The following DHX57 variants were observed in gnomAD, a reference collection of about 807,000 sequenced individuals.
DHX57 encodes putative ATP-dependent RNA helicase DHX57.
In DHX57, 105 loss-of-function variants were observed where a neutral mutation model predicts 156.2. The ratio of observed to expected loss-of-function variants is 0.67; its 90% CI spans 0.57 to 0.79. The LOEUF is 0.79. DHX57 is among the 30% of genes least tolerant of loss of function. The probability of loss-of-function intolerance (pLI) is 0.00; values close to 1 mark genes in which losing one functional copy is unlikely to be tolerated. For synonymous variants in DHX57, 704 were observed against 595.6 expected (o/e 1.18, Z -2.65); for missense variants, 1,847 against 1,661.9 (o/e 1.11, Z -1.94).
chr2:38,822,983 G>T lies in DHX57; in HGVS notation c.3291+10C>A. The T allele has an allele frequency of 6.2e-7, 1 of 1,613,166 alleles. No homozygotes were observed. Among genetic ancestry groups the T allele is most frequent in the African/African-American group, 1.3e-5 (1 of 74,980 alleles). ...AGAGACTCCAGTTTAGATGAATGTT[G>T]TTTACTTACAAACGGAGACTTAAAA... On this transcript the variant is annotated intron_variant, in intron 17 of 23. Coordinates refer to ENST00000457308, the MANE Select transcript of DHX57 (RefSeq NM_198963.3).
At chr2:38,870,650 C>A (rs988797515) in intron 1 of DHX57, among the ~76,000 whole-genome samples, 4 of 152,086 alleles carry the variant, frequency 2.6e-5, no homozygotes, top group African/African-American at 9.7e-5. Flanking sequence ...GAGGCCAAGG[C>A]GGGCAGATCA....
intron 13 of DHX57, among the ~76,000 whole-genome samples, chr2:38,834,661 T>C (rs1671561665): frequency 6.6e-6 from 1 of 152,216 alleles, no homozygotes; most frequent in Non-Finnish European, 1.5e-5. Flanking sequence ...CTAGTGATGC[T>C]GTAAGTACTC....
chr2:38,825,562 C>G (rs1487093415), intron 16 of DHX57, among the ~76,000 whole-genome samples: 1 of 152,146 alleles, frequency 6.6e-6, no homozygotes, highest in Non-Finnish European at 1.5e-5. Context: ...CTCAGTCTCC[C>G]AAAGTGCTGG....
In DHX57 at chr2:38,868,112, C is replaced by T. The variant is rs1665170614; in HGVS notation, c.224+70G>A. ...TACTCGACTTTTTTTCCATTCTCAG[C>T]CATCTGTTGTCCCATACATTAGGGG... On this transcript the variant is annotated intron_variant, in intron 2 of 23. Transcript: ENST00000457308. 6.4e-6 allele frequency: 10 copies of T among 1,554,632 alleles called. 1 individual carries two copies. The South Asian group carries it at 1.2e-4, about 18-fold the overall frequency.
At position 38,863,351 on chromosome 2, in the gene DHX57, A is replaced by C. The variant is rs761920244; in HGVS notation, c.383+10T>G. The stretch of plus-strand genomic sequence containing the variant: ...TTAATATAATAATTGACTCAAATAA[A>C]ACAATTTACTCAGATCCAGCATCAG... On this transcript the variant is annotated intron_variant, in intron 3 of 23. Coordinates refer to ENST00000457308, the MANE Select transcript of DHX57 (RefSeq NM_198963.3). 57 of 1,602,532 alleles carry C rather than the reference A, an allele frequency of 3.6e-5. No homozygotes were observed. Among genetic ancestry groups the C allele is most frequent in the Non-Finnish European group, 4.8e-5 (57 of 1,177,062 alleles).
intron 22 of DHX57, among the ~76,000 whole-genome samples, chr2:38,805,067 A>G (rs1669875425): frequency 6.6e-6 from 1 of 152,168 alleles, no homozygotes; most frequent in South Asian, 2.1e-4. Context: ...GCGCTAGTAG[A>G]TATTACATGG....
At chr2:38,864,075 A>G (rs1572709826) in intron 2 of DHX57, among the ~76,000 whole-genome samples, 1 of 152,104 alleles carries the variant, frequency 6.6e-6, no homozygotes, top group African/African-American at 2.4e-5. Context: ...CACTAACTCA[A>G]GAATCCTTAG....
intron 3 of DHX57, 180 bp downstream of exon 3, chr2:38,863,181 C>A (rs1438954770): frequency 7.6e-6 from 5 of 658,710 alleles, no homozygotes; most frequent in African/African-American, 5.5e-5. Flanking sequence ...TGTTGCAAAA[C>A]AAACTCACTC....
At position 38,798,144 on chromosome 2, in the gene DHX57, G is replaced by A; in HGVS notation, c.*155C>T. ...GGCTTTGTTAGAAATGGCCCTAAGG[G>A]TATATACACTGCCTCAGCTGCCTTG... On this transcript the variant is annotated 3_prime_UTR_variant, in exon 24 of 24. Coordinates refer to ENST00000457308, the MANE Select transcript of DHX57 (RefSeq NM_198963.3). 2.1e-6 allele frequency: 2 copies of A among 940,730 alleles called. No homozygotes were observed. The highest frequency in any genetic ancestry group is 3.0e-5 in the Admixed American group (1 of 33,834). The allele number at this position is 940,730 out of a possible 1,614,324, so 58.3% of individuals were successfully genotyped here.
At chr2:38,833,787 A>T (rs1414217028) in intron 13 of DHX57, among the ~76,000 whole-genome samples, 2 of 152,106 alleles carry the variant, frequency 1.3e-5, no homozygotes, top group Non-Finnish European at 2.9e-5. Flanking sequence ...ATTTTTGGAG[A>T]TTTGTGACAA....
chr2:38,803,217 A>G (rs1282190447), intron 22 of DHX57, among the ~76,000 whole-genome samples: 3 of 151,980 alleles, frequency 2.0e-5, no homozygotes, highest in Non-Finnish European at 4.4e-5. Context: ...GGCTCCAGCA[A>G]TCCTTCTGCC....
chr2:38,866,882 G>C (rs1027142498), intron 2 of DHX57, among the ~76,000 whole-genome samples: 2 of 152,172 alleles, frequency 1.3e-5, no homozygotes, highest in African/African-American at 4.8e-5. Flanking sequence ...GCAACATAGA[G>C]AGACTATGCT....
At chr2:38,811,038 G>C (rs981566456) in intron 21 of DHX57, 4 of 671,194 alleles carry the variant, frequency 6.0e-6, no homozygotes, top group Middle Eastern at 4.3e-4. Context: ...GCTTTGGCCA[G>C]GTCCTGAATC....
Position 38,868,357 on chromosome 2 carries a change from T to C in DHX57, c.49A>G (p.Lys17Glu). 6.2e-7 allele frequency: 1 copy of C among 1,613,860 alleles called. No individual in the cohort carries two copies. Among genetic ancestry groups the C allele is most frequent in the South Asian group, 1.1e-5 (1 of 91,086 alleles). ...CCTCTTCCTCCTCTAGAAGACCCTT[T>C]TCCACCTCCTTTGCCTGGCTTGCCT... ...RKGKPGKGGG[K>E]GSSRGGRGGR... Residue 17 changes from lysine to glutamate, a missense_variant, in exon 2 of 24, where the codon AAA (lysine) becomes GAA (glutamate). By Grantham distance (56) the Lys-to-Glu change is moderately conservative. Transcript: ENST00000457308.
chr2:38,853,322 T>C (rs557704030), intron 9 of DHX57: 1 of 152,306 alleles, frequency 6.6e-6, no homozygotes, highest in East Asian at 1.9e-4. Flanking sequence ...ATGGTCTCAC[T>C]ATGTTGCCCA....
At chr2:38,812,245 C>G (rs1281776258) in intron 21 of DHX57, among the ~76,000 whole-genome samples, 1 of 144,986 alleles carries the variant, frequency 6.9e-6, no homozygotes, top group Non-Finnish European at 1.5e-5. Flanking sequence ...CTTTCATAAC[C>G]ACACTACAAA....
At position 38,818,926 on chromosome 2, in the gene DHX57, GC is replaced by G; in HGVS notation, c.3421del (p.Ala1141GlnfsTer33). The G allele has an allele frequency of 1.2e-6, 2 of 1,614,172 alleles. No homozygotes were observed. Among genetic ancestry groups the G allele is most frequent in the Non-Finnish European group, 1.7e-6 (2 of 1,180,028 alleles). On this transcript the variant is annotated frameshift_variant, in exon 19 of 24. Coordinates refer to ENST00000457308, the MANE Select transcript of DHX57 (RefSeq NM_198963.3). LOFTEE classifies it high-confidence loss of function. ...WQLSTKEGVR[A>X]SYNYCRQNFL... ...GTTTTGTCTGCAGTAATTATAACTT[GC>G]ACGCACGCCTTCTTTTGTACTTAGC...
rs750747848 is a variant in DHX57 at position 38,825,830 on chromosome 2, A to C, written c.3014+17T>G. 2 of 1,613,914 alleles carry C rather than the reference A, an allele frequency of 1.2e-6. No individual in the cohort carries two copies. Among genetic ancestry groups the C allele is most frequent in the Non-Finnish European group, 1.7e-6 (2 of 1,179,802 alleles). ...TTTAGACCTTTTGGAAGCAAAACACAAAAAACCAGATGTCACCTTAGACAC... is the reference window on the plus strand; with the variant it reads ...TTTAGACCTTTTGGAAGCAAAACACCAAAAACCAGATGTCACCTTAGACAC... On this transcript the variant is annotated intron_variant, in intron 16 of 23. Transcript: ENST00000457308.
chr2:38,854,626 A>G (rs1672787551), intron 8 of DHX57: 1 of 166,728 alleles, frequency 6.0e-6, no homozygotes, highest in East Asian at 1.7e-4. Flanking sequence ...CAATGGCGCA[A>G]TCTCGGCTCA....
Sources: allele counts gnomAD v4.1 joint callset (sites outside exome capture counted in the v4.1 genomes callset), GRCh38; gene constraint gnomAD v4.1.1; transcripts MANE v1.5; gene names NCBI Gene and HGNC (gene_info 2026-07-23, HGNC 2026-07-21).